Variants in AKT3 observed in about 807,000 individuals in gnomAD.
AKT3 encodes RAC-gamma serine/threonine-protein kinase.
A neutral mutation model predicts 65.3 loss-of-function variants in AKT3; 15 were observed. The observed-to-expected ratio is 0.23, with a 90% CI of 0.15 to 0.35. The LOEUF is 0.35. AKT3 is among the 10% of genes least tolerant of loss of function. The probability of loss-of-function intolerance (pLI) is 1.00; values close to 1 mark genes in which losing one functional copy is unlikely to be tolerated. For missense variants in AKT3, 243 were observed against 576.5 expected, an observed-to-expected ratio of 0.42 and a Z score of 5.92; for synonymous variants, 206 against 183.8, an observed-to-expected ratio of 1.12 and a Z score of -0.98.
chr1:243,817,466 C>T (rs774632838), intron 2 of AKT3, among the ~76,000 whole-genome samples: 6 of 152,292 alleles, frequency 3.9e-5, no homozygotes, highest in East Asian at 3.9e-4. Flanking sequence ...TGAGGCCAGG[C>T]GTGGTGGCTC....
intron 2 of AKT3, among the ~76,000 whole-genome samples, chr1:243,760,196 T>G (rs2148240937): frequency 6.6e-6 from 1 of 151,480 alleles, no homozygotes; most frequent in South Asian, 2.1e-4. Context: ...CTTTGCCCAC[T>G]GCAGCCTCAA....
At chr1:243,721,798 G>A (rs1040305124) in intron 2 of AKT3, among the ~76,000 whole-genome samples, 3 of 151,948 alleles carry the variant, frequency 2.0e-5, no homozygotes, top group Non-Finnish European at 4.4e-5. Flanking sequence ...CTGCTAAAAG[G>A]AAACAAATTT....
At chr1:243,492,627 T>TTTTTTA (rs1222752580) in intron 13 of AKT3, among the ~76,000 whole-genome samples, 1 of 113,216 alleles carries the variant, frequency 8.8e-6, no homozygotes, top group Non-Finnish European at 1.9e-5. Context: ...TTTTTTTTTT[T>TTTTTTA]GATGAGTTTT....
Position 243,810,483 on chromosome 1 carries a change from T to C in AKT3, c.46+32642A>G, listed in dbSNP as rs184258602. Among the ~76,000 whole-genome samples, 229 of 152,050 alleles carry C rather than the reference T, an allele frequency of 1.5e-3. 1 individual carries two copies. The highest frequency in any genetic ancestry group is 5.3e-3 in the African/African-American group (221 of 41,472). On this transcript the variant is annotated intron_variant, in intron 2 of 13. Transcript: ENST00000673466. ...CCCCCAAGACTAAACCAGGAAGAAGTTGAATCTCTGAAAGGACCAATAACA... is the reference window on the plus strand; with the variant it reads ...CCCCCAAGACTAAACCAGGAAGAAGCTGAATCTCTGAAAGGACCAATAACA...
Position 243,646,027 on chromosome 1 carries a change from T to C in AKT3, c.295A>G (p.Thr99Ala), listed in dbSNP as rs1024318873. 1 of 1,600,760 alleles carries C rather than the reference T, an allele frequency of 6.2e-7. No individual in the cohort carries two copies. Among genetic ancestry groups the C allele is most frequent in the African/African-American group, 1.3e-5 (1 of 74,232 alleles). Residue 99 changes from threonine to alanine, a missense_variant, in exon 5 of 14, where the codon ACA (threonine) becomes GCA (alanine). Around this residue, in one of 6 missense-constraint regions of AKT3, gnomAD observed 72 missense variants for 86.0 expected, o/e 0.84. Coordinates refer to ENST00000673466, the MANE Select transcript of AKT3 (RefSeq NM_005465.7). ...TCTGCTACAGCCTGGATAGCTTCTGTCCATTCTTCCCTATAAAAATGAGTA... is the reference window on the plus strand; with the variant it reads ...TCTGCTACAGCCTGGATAGCTTCTGCCCATTCTTCCCTATAAAAATGAGTA... ...VDTPEEREEW[T>A]EAIQAVADRL...
chr1:243,737,055 C>A (rs1413443597), intron 2 of AKT3, among the ~76,000 whole-genome samples: 1 of 152,144 alleles, frequency 6.6e-6, no homozygotes, highest in African/African-American at 2.4e-5. Flanking sequence ...GTGCAAGAGT[C>A]CTTTCTGTCA....
intron 12 of AKT3, among the ~76,000 whole-genome samples, chr1:243,532,406 T>C (rs1671600631): frequency 6.6e-6 from 1 of 152,202 alleles, no homozygotes; most frequent in African/African-American, 2.4e-5. Context: ...TGCCCATCAG[T>C]TGAAATGATC....
Position 243,499,822 on chromosome 1 carries a change from G to GAGAT in AKT3, c.*5423_*5426dup, listed in dbSNP as rs779134954. 49 of 1,600,214 alleles carry GAGAT rather than the reference G, an allele frequency of 3.1e-5. No individual in the cohort carries two copies. Among genetic ancestry groups the GAGAT allele is most frequent in the Non-Finnish European group, 3.8e-5 (44 of 1,168,620 alleles). On this transcript the variant is annotated 3_prime_UTR_variant, in exon 14 of 14. Transcript: ENST00000673466. ...CAGAGTGAAATAAATGATTTACAAA[G>GAGAT]AGATATTTACATTCATCTGGTTTAG...
At chr1:243,833,693 G>T (rs1694691424) in intron 2 of AKT3, among the ~76,000 whole-genome samples, 1 of 151,792 alleles carries the variant, frequency 6.6e-6, no homozygotes, top group South Asian at 2.1e-4. Flanking sequence ...AAAATGAAAT[G>T]ACATATTTAA....
At chr1:243,785,063 A>ATTTT (rs764079943) in intron 2 of AKT3, among the ~76,000 whole-genome samples, 1 of 134,892 alleles carries the variant, frequency 7.4e-6, no homozygotes, top group African/African-American at 2.8e-5. Context: ...GTCCAACTCA[A>ATTTT]TTTTTTTTTT....
Position 243,556,396 on chromosome 1 carries a change from CA to C in AKT3, c.949-3454del, listed in dbSNP as rs373018675. On this transcript the variant is annotated intron_variant, in intron 10 of 13. Transcript: ENST00000673466. ...ATTTGGCTAATGGGCTTTTTCAAAA[CA>C]AAAAAAAAACTATTCATTACAATAT... 1.6e-4 allele frequency among the ~76,000 whole-genome samples: 23 copies of C among 146,244 alleles called. No homozygotes were observed. The South Asian group carries it at 3.0e-3, about 19-fold the overall frequency.
intron 8 of AKT3, among the ~76,000 whole-genome samples, chr1:243,578,612 G>GT (rs1346406053): frequency 6.6e-6 from 1 of 152,100 alleles, no homozygotes; most frequent in African/African-American, 2.4e-5. Context: ...GGGTTGATAG[G>GT]TGCAGCAAAC....
chr1:243,654,014 C>CT (rs1426891340), intron 4 of AKT3, among the ~76,000 whole-genome samples: 2 of 151,800 alleles, frequency 1.3e-5, no homozygotes, highest in Non-Finnish European at 2.9e-5. Flanking sequence ...TTTCAGTCGT[C>CT]TTTTTTTGCA....
intron 2 of AKT3, among the ~76,000 whole-genome samples, chr1:243,738,185 A>G (rs1687949173): frequency 1.3e-5 from 2 of 152,200 alleles, no homozygotes; most frequent in African/African-American, 2.4e-5. Context: ...TACCCTGACA[A>G]CTGGGTTCCT....
chr1:243,847,109 C>T (rs1224796323), intron 1 of AKT3, among the ~76,000 whole-genome samples: 1 of 152,098 alleles, frequency 6.6e-6, no homozygotes, highest in Admixed American at 6.5e-5. Flanking sequence ...AATACTGATG[C>T]ACATGCTGAA....
rs912618614 is a variant in AKT3, at chr1:243,503,145, C to A, written c.*2104G>T. The A allele has an allele frequency of 2.6e-5, 6 of 233,342 alleles. No individual in the cohort carries two copies. The highest frequency in any genetic ancestry group is 1.3e-4 in the African/African-American group (6 of 45,252). The allele number at this position is 233,342 out of a possible 1,614,324, so 14.5% of individuals were successfully genotyped here. On this transcript the variant is annotated 3_prime_UTR_variant, in exon 14 of 14. Coordinates refer to ENST00000673466, the MANE Select transcript of AKT3 (RefSeq NM_005465.7). ...ATGTGTGTAAGTAAGAATGAACTAC[C>A]ATTTACTGTAACTTCCTACTCAATA...
At chr1:243,797,829 CT>C (rs1196224181) in intron 2 of AKT3, among the ~76,000 whole-genome samples, 5 of 149,766 alleles carry the variant, frequency 3.3e-5, no homozygotes, top group African/African-American at 1.2e-4. Flanking sequence ...CACTAAACTT[CT>C]TTATGAAGTA....
intron 2 of AKT3, among the ~76,000 whole-genome samples, chr1:243,760,802 A>C (rs934361571): frequency 6.6e-6 from 1 of 152,182 alleles, no homozygotes; most frequent in African/African-American, 2.4e-5. Flanking sequence ...TTCTCAGCAA[A>C]AGAAGGCTAT....
intron 2 of AKT3, among the ~76,000 whole-genome samples, chr1:243,769,580 T>C (rs1289419677): frequency 2.6e-5 from 4 of 152,218 alleles, no homozygotes; most frequent in Non-Finnish European, 4.4e-5. Flanking sequence ...TATTGGCCAT[T>C]TGATTATCTT....
Sources: gnomAD v4.1 joint callset for allele counts (sites outside exome capture counted in the v4.1 genomes callset) on GRCh38, gnomAD v4.1.1 for gene constraint, gnomAD v4.1.1 regional missense constraint, MANE v1.5 for transcripts, NCBI Gene and HGNC (gene_info 2026-07-23, HGNC 2026-07-21) for gene names.